The following SPOCK1 variants were observed in gnomAD, a reference collection of about 807,000 sequenced individuals.
SPOCK1 encodes SPARC (osteonectin), cwcv and kazal like domains proteoglycan 1.
In SPOCK1, 23 loss-of-function variants were observed where a neutral mutation model predicts 55.3. The observed-to-expected ratio is 0.42, with a 90% CI of 0.30 to 0.59. The LOEUF is 0.59. SPOCK1 is among the 20% of genes least tolerant of loss of function. The pLI, the probability that SPOCK1 is intolerant of heterozygous loss-of-function variation, is 0.22. For missense variants in SPOCK1, 499 were observed against 552.5 expected, an observed-to-expected ratio of 0.90 and a Z score of 0.97; for synonymous variants, 226 against 221.0, an observed-to-expected ratio of 1.02 and a Z score of -0.20.
chr5:137,180,932 C>A (rs902506473), intron 3 of SPOCK1, among the ~76,000 whole-genome samples: 1 of 152,108 alleles, frequency 6.6e-6, no homozygotes, highest in African/African-American at 2.4e-5. Context: ...GTCTTGGAAT[C>A]GAATCCAATC....
At chr5:137,087,099 A>G (rs1469227588) in intron 5 of SPOCK1, among the ~76,000 whole-genome samples, 1 of 152,252 alleles carries the variant, frequency 6.6e-6, no homozygotes, top group Non-Finnish European at 1.5e-5. Flanking sequence ...AAATTAATCA[A>G]ATCGATACAA....
At chr5:137,115,808 C>T (rs1397991969) in intron 4 of SPOCK1, among the ~76,000 whole-genome samples, 3 of 152,142 alleles carry the variant, frequency 2.0e-5, no homozygotes, top group Non-Finnish European at 4.4e-5. Context: ...TATGTGAGCC[C>T]AGGGAAGCAT....
intron 3 of SPOCK1, among the ~76,000 whole-genome samples, chr5:137,176,789 G>A (rs1276111881): frequency 3.9e-5 from 6 of 152,114 alleles, no homozygotes; most frequent in African/African-American, 7.2e-5. Flanking sequence ...GCTAATAAGC[G>A]GTATCTAGTT....
chr5:137,093,750 C>T (rs1056966130), intron 5 of SPOCK1, among the ~76,000 whole-genome samples: 1 of 152,130 alleles, frequency 6.6e-6, no homozygotes, highest in Non-Finnish European at 1.5e-5. Context: ...GTTCAAAACG[C>T]TGATATGAAA....
At chr5:137,443,562 G>C (rs552274124) in intron 2 of SPOCK1, among the ~76,000 whole-genome samples, 62 of 152,162 alleles carry the variant, frequency 4.1e-4, no homozygotes, top group African/African-American at 1.5e-3. Context: ...ACTACTTTCA[G>C]GTCCACACTT....
At chr5:136,999,234 G>T (rs543802728) in intron 6 of SPOCK1, among the ~76,000 whole-genome samples, 39 of 152,310 alleles carry the variant, frequency 2.6e-4, no homozygotes, top group African/African-American at 9.1e-4. Flanking sequence ...CCTTGGTGGG[G>T]TTGTAAGGGG....
intron 2 of SPOCK1, among the ~76,000 whole-genome samples, chr5:137,478,860 T>A (rs1256937282): frequency 1.3e-5 from 2 of 151,612 alleles, no homozygotes; most frequent in Admixed American, 1.3e-4. Context: ...AAGATAGGGG[T>A]AGGGGGGCAG....
chr5:137,411,384 G>A lies in SPOCK1; in HGVS notation c.186+86989C>T, dbSNP rs566606100. On this transcript the variant is annotated intron_variant, in intron 2 of 10. Transcript: ENST00000394945. ...GGATCACAGCAAACACCTGAAGAAG[G>A]GGAGAGCACCAGTGATGAGGATGGA... 2.6e-5 allele frequency among the ~76,000 whole-genome samples: 4 copies of A among 152,212 alleles called. No homozygotes were observed. In the South Asian group the frequency reaches 8.3e-4, roughly 32 times the overall value.
intron 2 of SPOCK1, among the ~76,000 whole-genome samples, chr5:137,425,888 T>C (rs1389391900): frequency 6.6e-6 from 1 of 151,796 alleles, no homozygotes; most frequent in Admixed American, 6.6e-5. Flanking sequence ...TACATGCTTC[T>C]AGTTAAACTC....
intron 3 of SPOCK1, among the ~76,000 whole-genome samples, chr5:137,172,712 T>C (rs1288434712): frequency 2.0e-5 from 3 of 152,148 alleles, no homozygotes; most frequent in Admixed American, 1.3e-4. Flanking sequence ...AATACACTCC[T>C]TACCCCAGGG....
chr5:136,981,077 A>C (rs545586646), intron 9 of SPOCK1, among the ~76,000 whole-genome samples: 2 of 152,306 alleles, frequency 1.3e-5, no homozygotes, highest in South Asian at 4.1e-4. Flanking sequence ...GACAAGCAGC[A>C]GTGGCACCAC....
At chr5:137,070,663 C>G (rs1752594888) in intron 5 of SPOCK1, among the ~76,000 whole-genome samples, 1 of 152,204 alleles carries the variant, frequency 6.6e-6, no homozygotes, top group African/African-American at 2.4e-5. Context: ...CCCTGAGACG[C>G]CTCTTTGAGC....
At chr5:137,024,716 AG>A (rs1219771661) in intron 6 of SPOCK1, among the ~76,000 whole-genome samples, 1 of 152,144 alleles carries the variant, frequency 6.6e-6, no homozygotes, top group Non-Finnish European at 1.5e-5. Context: ...CATGTAGTTA[AG>A]ACTGGAGGCA....
chr5:137,498,479 A>G lies in SPOCK1; in HGVS notation c.80T>C (p.Leu27Pro). 1.9e-6 allele frequency: 3 copies of G among 1,600,664 alleles called. No individual in the cohort carries two copies. The highest frequency in any genetic ancestry group is 2.6e-6 in the Non-Finnish European group (3 of 1,175,782). Residue 27 changes from leucine to proline, a missense_variant, in exon 2 of 11, where the codon CTC (leucine) becomes CCC (proline). Leu to Pro is a moderately conservative substitution (Grantham distance 98, BLOSUM62 -3). Coordinates refer to ENST00000394945, the MANE Select transcript of SPOCK1 (RefSeq NM_004598.4). ...GTGGTTGGGGCCCGCGCCTCCGGCGAGCGCGTCCAGGTGCCGGCTCTCGAC... is the reference window on the plus strand; with the variant it reads ...GTGGTTGGGGCCCGCGCCTCCGGCGGGCGCGTCCAGGTGCCGGCTCTCGAC... Reference protein sequence around the residue: ...LQVESRHLDALAGGAGPNHGN... With the variant: ...LQVESRHLDAPAGGAGPNHGN...
At chr5:137,437,783 T>C (rs1752895275) in intron 2 of SPOCK1, among the ~76,000 whole-genome samples, 1 of 152,224 alleles carries the variant, frequency 6.6e-6, no homozygotes, top group East Asian at 1.9e-4. Context: ...ATGTACAGAT[T>C]ATTGTAAACT....
intron 2 of SPOCK1, among the ~76,000 whole-genome samples, chr5:137,412,120 A>G (rs969659886): frequency 3.3e-5 from 5 of 152,212 alleles, no homozygotes; most frequent in African/African-American, 1.2e-4. Context: ...GCCCAATGCA[A>G]CAGTGTCCTC....
chr5:136,978,664 T>C lies in SPOCK1; in HGVS notation c.1310A>G (p.Tyr437Cys). ...TCTTTCTTGTGGGCACTACCATATG[T>C]ACCCGACCTCATCCTCTTTGTCATC... ...EDDDKEDEVG[Y>C]IW Residue 437 changes from tyrosine (Y) to cysteine (C), a missense_variant, in exon 11 of 11, where the codon TAC (tyrosine) becomes TGC (cysteine). Around this residue, in one of 3 missense-constraint regions of SPOCK1, gnomAD observed 83 missense variants for 87.5 expected, o/e 0.95. Coordinates refer to ENST00000394945, the MANE Select transcript of SPOCK1 (RefSeq NM_004598.4). 2 of 1,609,250 alleles carry C rather than the reference T, an allele frequency of 1.2e-6. No homozygotes were observed. The highest frequency in any genetic ancestry group is 1.7e-6 in the Non-Finnish European group (2 of 1,178,076).
intron 3 of SPOCK1, among the ~76,000 whole-genome samples, chr5:137,142,469 A>G (rs1754118716): frequency 6.6e-6 from 1 of 152,232 alleles, no homozygotes; most frequent in South Asian, 2.1e-4. Context: ...AGCTGTAAAC[A>G]GAAGCCAGGC....
intron 7 of SPOCK1, among the ~76,000 whole-genome samples, chr5:136,991,909 G>C (rs138109436): frequency 1.3e-5 from 2 of 152,272 alleles, no homozygotes; most frequent in Non-Finnish European, 2.9e-5. Flanking sequence ...TGTTATGGAT[G>C]GGGAGAGGGG....
Sources: gnomAD v4.1 joint callset for allele counts (sites outside exome capture counted in the v4.1 genomes callset) on GRCh38, gnomAD v4.1.1 for gene constraint, gnomAD v4.1.1 regional missense constraint, MANE v1.5 for transcripts, NCBI Gene and HGNC (gene_info 2026-07-23, HGNC 2026-07-21) for gene names.